Variants in MAPKAP1 observed in about 807,000 individuals in gnomAD.
MAPKAP1 encodes MAPK associated protein 1, also known as target of rapamycin complex 2 subunit MAPKAP1.
Under a neutral mutation model 65.7 loss-of-function variants are expected in MAPKAP1, and 20 were observed. The observed-to-expected ratio is 0.30, with a 90% CI of 0.21 to 0.44. The LOEUF is 0.44. Among genes scored for constraint, MAPKAP1 ranks in the 20% least tolerant of loss-of-function variants. The pLI, the probability that MAPKAP1 is intolerant of heterozygous loss-of-function variation, is 1.00. For synonymous variants in MAPKAP1, 222 were observed against 244.3 expected (o/e 0.91, Z 0.85); for missense variants, 423 against 648.0 (o/e 0.65, Z 3.77).
chr9:125,635,618 A>G (rs1833401869), intron 4 of MAPKAP1, among the ~76,000 whole-genome samples: 1 of 152,240 alleles, frequency 6.6e-6, no homozygotes, highest in African/African-American at 2.4e-5. Context: ...CACTATTTGC[A>G]TTCTACACAA....
At chr9:125,605,244 T>C (rs1832407033) in intron 4 of MAPKAP1, among the ~76,000 whole-genome samples, 1 of 152,218 alleles carries the variant, frequency 6.6e-6, no homozygotes, top group Non-Finnish European at 1.5e-5. Context: ...AAAGATGCTA[T>C]TCAAAAGATA....
intron 5 of MAPKAP1, among the ~76,000 whole-genome samples, chr9:125,564,509 T>A (rs374427532): frequency 7.2e-5 from 11 of 152,272 alleles, no homozygotes; most frequent in South Asian, 2.1e-4. Context: ...TGAAGCAGTA[T>A]GAAGAATGCA....
chr9:125,457,019 C>T lies in MAPKAP1; in HGVS notation c.1345+10953G>A, dbSNP rs186439136. ...TTTTTTTTTTTTTGAGACAGAGTCT[C>T]ACTCTGCTGTCCAGGCTGGAGTACA... is the stretch of plus-strand genomic sequence containing the variant. On this transcript the variant is annotated intron_variant, in intron 10 of 11. Transcript: ENST00000265960. 2.1e-3 allele frequency among the ~76,000 whole-genome samples: 314 copies of T among 147,062 alleles called. 2 individuals are homozygous for T. Among genetic ancestry groups the T allele is most frequent in the Middle Eastern group, 0.015 (4 of 272 alleles).
intron 5 of MAPKAP1, among the ~76,000 whole-genome samples, chr9:125,578,082 T>C (rs1055695746): frequency 7.9e-5 from 12 of 152,112 alleles, no homozygotes; most frequent in East Asian, 7.7e-4. Context: ...TTTTGTTCTG[T>C]ACTAAGAAAA....
At chr9:125,493,889 T>G (rs891634139) in intron 8 of MAPKAP1, among the ~76,000 whole-genome samples, 2 of 152,238 alleles carry the variant, frequency 1.3e-5, no homozygotes, top group African/African-American at 4.8e-5. Flanking sequence ...AAGCTGGAGC[T>G]AGGAACTGAA....
intron 1 of MAPKAP1, among the ~76,000 whole-genome samples, chr9:125,679,248 C>G (rs777938522): frequency 2.6e-5 from 4 of 152,160 alleles, no homozygotes; most frequent in African/African-American, 9.7e-5. Context: ...GTGATCCCCC[C>G]ACCTCGGCCT....
intron 1 of MAPKAP1, among the ~76,000 whole-genome samples, chr9:125,674,341 A>G (rs1834583647): frequency 6.6e-6 from 1 of 152,216 alleles, no homozygotes; most frequent in South Asian, 2.1e-4. Flanking sequence ...TCAATATCCC[A>G]TCTGTCTTAG....
intron 4 of MAPKAP1, among the ~76,000 whole-genome samples, chr9:125,623,029 C>T (rs376072462): frequency 2.0e-5 from 3 of 151,630 alleles, no homozygotes; most frequent in African/African-American, 2.4e-5. Context: ...AGCCCCTAAC[C>T]GCGAGTGATC....
chr9:125,590,301 T>A lies in MAPKAP1; in HGVS notation c.499-4574A>T, dbSNP rs544157348. On this transcript the variant is annotated intron_variant, in intron 4 of 11. Coordinates refer to ENST00000265960, the MANE Select transcript of MAPKAP1 (RefSeq NM_001006617.3). ...TACTCAAGCTTACTACAAGGTCACA[T>A]GAGGCCAAGAACGGGTACTGCAGGA... Among the ~76,000 whole-genome samples, 11 of 152,294 alleles carry A rather than the reference T, an allele frequency of 7.2e-5. No homozygotes were observed. The East Asian group carries it at 2.1e-3, about 29-fold the overall frequency.
At chr9:125,697,179 T>C (rs374649702) in intron 1 of MAPKAP1, among the ~76,000 whole-genome samples, 9 of 152,326 alleles carry the variant, frequency 5.9e-5, no homozygotes, top group African/African-American at 2.2e-4. Flanking sequence ...TGTCAGGACA[T>C]ATGAAACCAT....
At chr9:125,583,854 G>A (rs1184865645) in intron 5 of MAPKAP1, among the ~76,000 whole-genome samples, 6 of 152,184 alleles carry the variant, frequency 3.9e-5, no homozygotes, top group Non-Finnish European at 5.9e-5. Context: ...ACGAGGTCAG[G>A]AGATCGAGAC....
intron 3 of MAPKAP1, among the ~76,000 whole-genome samples, chr9:125,662,935 G>C (rs1389732541): frequency 6.6e-6 from 1 of 152,084 alleles, no homozygotes; most frequent in Non-Finnish European, 1.5e-5. Context: ...TGGGAGGGCT[G>C]GTAGTAAAAT....
rs71374270 is a variant in MAPKAP1 at position 125,459,854 on chromosome 9, G to GGAAAGAGAGGGAGAGGGAGA, written c.1345+8117_1345+8118insTCTCCCTCTCCCTCTCTTTC. 4.6e-3 allele frequency among the ~76,000 whole-genome samples: 588 copies of GGAAAGAGAGGGAGAGGGAGA among 127,432 alleles called. 19 individuals are homozygous for GGAAAGAGAGGGAGAGGGAGA. Among genetic ancestry groups the GGAAAGAGAGGGAGAGGGAGA allele is most frequent in the African/African-American group, 0.016 (544 of 33,148 alleles). The allele number at this position is 127,432 out of a possible 152,430, so 83.6% of individuals were successfully genotyped here. ...GGAAAGAGAGGGAGAGGGAGACCGT[G>GGAAAGAGAGGGAGAGGGAGA]GGGAGAGGGAGAGGGAGAGGGACGC... On this transcript the variant is annotated intron_variant, in intron 10 of 11. Coordinates refer to ENST00000265960, the MANE Select transcript of MAPKAP1 (RefSeq NM_001006617.3).
At chr9:125,674,942 T>G (rs1834602340) in intron 1 of MAPKAP1, among the ~76,000 whole-genome samples, 1 of 152,200 alleles carries the variant, frequency 6.6e-6, no homozygotes, top group Non-Finnish European at 1.5e-5. Flanking sequence ...TTAGTGTCAA[T>G]CTACCATTTT....
intron 3 of MAPKAP1, among the ~76,000 whole-genome samples, chr9:125,668,604 T>C (rs976134840): frequency 3.9e-5 from 6 of 152,184 alleles, no homozygotes; most frequent in African/African-American, 1.2e-4. Flanking sequence ...ATAACCACTA[T>C]AAAATATTTT....
chr9:125,502,735 T>C (rs889750270), intron 8 of MAPKAP1, among the ~76,000 whole-genome samples: 3 of 152,212 alleles, frequency 2.0e-5, no homozygotes, highest in Non-Finnish European at 2.9e-5. Flanking sequence ...TCATGTGTGA[T>C]TGCAAGAAAT....
At chr9:125,590,447 C>T (rs1043285025) in intron 4 of MAPKAP1, among the ~76,000 whole-genome samples, 1 of 151,986 alleles carries the variant, frequency 6.6e-6, no homozygotes, top group African/African-American at 2.4e-5. Flanking sequence ...GTCAGGAGTT[C>T]GAGACCAGCC....
At chr9:125,625,631 C>T (rs1481219051) in intron 4 of MAPKAP1, among the ~76,000 whole-genome samples, 1 of 152,132 alleles carries the variant, frequency 6.6e-6, no homozygotes, top group Non-Finnish European at 1.5e-5. Context: ...CCCATCTCTA[C>T]TAAAAATACA....
At chr9:125,553,498 C>T (rs1050202535) in intron 6 of MAPKAP1, among the ~76,000 whole-genome samples, 17 of 151,096 alleles carry the variant, frequency 1.1e-4, no homozygotes, top group African/African-American at 3.9e-4. Context: ...GCCAAGATCA[C>T]GCCATTACAC....
Sources: allele counts gnomAD v4.1 joint callset (sites outside exome capture counted in the v4.1 genomes callset), GRCh38; gene constraint gnomAD v4.1.1; transcripts MANE v1.5; gene names NCBI Gene and HGNC (gene_info 2026-07-23, HGNC 2026-07-21).